The following GPRIN3 variants were observed in gnomAD, a reference collection of about 807,000 sequenced individuals.
The protein encoded by GPRIN3 is GPRIN family member 3, also known as G protein-regulated inducer of neurite outgrowth 3.
GPRIN3 carries 12 observed loss-of-function variants against 13.7 expected under a neutral mutation model. The ratio of observed to expected loss-of-function variants is 0.87; its 90% confidence interval spans 0.56 to 1.42. The LOEUF (loss-of-function observed/expected upper bound fraction) is 1.42, where lower values mean the gene tolerates loss of function less well. GPRIN3 is among the 40% of genes most tolerant of loss of function. The probability of loss-of-function intolerance (pLI) is 0.00; values close to 1 mark genes in which losing one functional copy is unlikely to be tolerated. For synonymous variants in GPRIN3, 377 were observed against 372.7 expected (o/e 1.01, Z -0.13); for missense variants, 1,009 against 958.7 (o/e 1.05, Z -0.69).
chr4:89,238,510 A>C lies in GPRIN3; in HGVS notation c.*9270T>G, dbSNP rs1171278369. ...CAATAAGGCAATCTAAGCGCCCTGG[A>C]CCCCTACCCAGCTCTGTTACCCCAC... On this transcript the variant is annotated 3_prime_UTR_variant, in exon 2 of 2. Coordinates refer to ENST00000609438, the MANE Select transcript of GPRIN3 (RefSeq NM_198281.3). 1 of 151,728 alleles carries C rather than the reference A, an allele frequency of 6.6e-6. No homozygotes were observed. Among genetic ancestry groups the C allele is most frequent in the African/African-American group, 2.4e-5 (1 of 41,194 alleles). The allele number at this position is 151,728 out of a possible 1,614,324, so 9.4% of individuals were successfully genotyped here. A position where few individuals can be genotyped will look rare whatever the true frequency, so the allele number is the denominator to read the frequency against.
chr4:89,267,373 C>T (rs1723808531), intron 1 of GPRIN3, among the ~76,000 whole-genome samples: 1 of 151,772 alleles, frequency 6.6e-6, no homozygotes, highest in African/African-American at 2.4e-5. Flanking sequence ...TTGTTTAAAC[C>T]AGTTCTACAC....
chr4:89,299,128 A>G (rs1724821323), intron 1 of GPRIN3, among the ~76,000 whole-genome samples: 1 of 152,180 alleles, frequency 6.6e-6, no homozygotes, highest in South Asian at 2.1e-4. Context: ...ATGGTCTTTT[A>G]TATATTATCA....
chr4:89,254,034 T>C (rs1215747427), intron 1 of GPRIN3, among the ~76,000 whole-genome samples: 2 of 152,028 alleles, frequency 1.3e-5, no homozygotes, highest in African/African-American at 4.8e-5. Context: ...GAGTCCATTA[T>C]GGTAAGATTT....
At chr4:89,304,903 T>C (rs1377163470) in intron 1 of GPRIN3, among the ~76,000 whole-genome samples, 2 of 152,348 alleles carry the variant, frequency 1.3e-5, no homozygotes, top group South Asian at 2.1e-4. Flanking sequence ...CATTTGTAGA[T>C]GAAATATTTG....
chr4:89,306,424 C>T (rs1255556478), intron 1 of GPRIN3, among the ~76,000 whole-genome samples: 5 of 152,186 alleles, frequency 3.3e-5, no homozygotes, highest in African/African-American at 2.4e-5. Flanking sequence ...GAAGCAAAGC[C>T]TTAATCAACC....
intron 1 of GPRIN3, among the ~76,000 whole-genome samples, chr4:89,256,355 T>C (rs1036219774): frequency 6.6e-6 from 1 of 152,108 alleles, no homozygotes; most frequent in Non-Finnish European, 1.5e-5. Context: ...TTAGGGAAAG[T>C]CCAACCAGCT....
intron 1 of GPRIN3, among the ~76,000 whole-genome samples, chr4:89,293,270 A>G (rs189393419): frequency 4.9e-4 from 74 of 152,290 alleles, no homozygotes; most frequent in Middle Eastern, 3.4e-3. Flanking sequence ...AGCATCCTCT[A>G]TGGTGGTTTT....
chr4:89,272,510 C>T (rs1214585373), intron 1 of GPRIN3, among the ~76,000 whole-genome samples: 2 of 152,208 alleles, frequency 1.3e-5, no homozygotes, highest in Non-Finnish European at 2.9e-5. Flanking sequence ...TTCTCCATTA[C>T]TCTTTGAGCA....
intron 1 of GPRIN3, among the ~76,000 whole-genome samples, chr4:89,297,785 T>G (rs1046555413): frequency 1.3e-5 from 2 of 152,190 alleles, no homozygotes; most frequent in African/African-American, 2.4e-5. Flanking sequence ...ACAGTCCCAT[T>G]GGAATGGGTA....
chr4:89,249,995 A>G lies in GPRIN3; in HGVS notation c.116T>C (p.Leu39Pro), dbSNP rs757105568. ...AAAGCCATTGGCATTCTTACACAGGAGAGCTGGTCGATGCCGAGGTGAGGC... is the reference window on the plus strand; with the variant it reads ...AAAGCCATTGGCATTCTTACACAGGGGAGCTGGTCGATGCCGAGGTGAGGC... ...QAASPRHRPA[L>P]LCKNANGFSG... The change falls in exon 2 of 2, where the codon CTC (leucine) becomes CCC (proline). Residue 39 changes from leucine to proline, a missense_variant. Transcript: ENST00000609438. The G allele has an allele frequency of 1.2e-6, 2 of 1,614,198 alleles. No homozygotes were observed. Among genetic ancestry groups the G allele is most frequent in the Non-Finnish European group, 1.7e-6 (2 of 1,180,008 alleles).
rs190624299 is a variant in GPRIN3, at chr4:89,269,763, G to C, written c.-123-19530C>G. On this transcript the variant is annotated intron_variant, in intron 1 of 1. Transcript: ENST00000609438. ...ATTTCATCTTCAAGAAAGATGATTA[G>C]GTGCTACAAAATAATCCAATCTCTT... 2.0e-3 allele frequency among the ~76,000 whole-genome samples: 301 copies of C among 152,228 alleles called. 12 individuals carry two copies. In the South Asian group the frequency reaches 0.056, roughly 28 times the overall value.
intron 1 of GPRIN3, among the ~76,000 whole-genome samples, chr4:89,259,782 C>T (rs1412236170): frequency 6.6e-6 from 1 of 152,130 alleles, no homozygotes; most frequent in Non-Finnish European, 1.5e-5. Flanking sequence ...AGGCATCTTC[C>T]AAATGCAGAG....
chr4:89,268,311 G>T (rs1198333083), intron 1 of GPRIN3, among the ~76,000 whole-genome samples: 1 of 152,188 alleles, frequency 6.6e-6, no homozygotes, highest in East Asian at 1.9e-4. Flanking sequence ...AATTATTACA[G>T]AAGTGGCATT....
chr4:89,304,525 C>T (rs1282485656), intron 1 of GPRIN3, among the ~76,000 whole-genome samples: 2 of 152,184 alleles, frequency 1.3e-5, no homozygotes, highest in Non-Finnish European at 2.9e-5. Flanking sequence ...ACTGACTTCA[C>T]AGTGTGCTAG....
Position 89,247,415 on chromosome 4 carries a change from C to A in GPRIN3, c.*365G>T, listed in dbSNP as rs1431549. On this transcript the variant is annotated 3_prime_UTR_variant, in exon 2 of 2. Transcript: ENST00000609438. The stretch of plus-strand genomic sequence containing the variant: ...ATATGAAGCAGGGATTTTAATGGAA[C>A]TACTACTGTGTGATAAATTGAGGCA... 0.099 allele frequency: 16,925 copies of A among 171,028 alleles called. 928 individuals are homozygous for A. The highest frequency in any genetic ancestry group is 0.14 in the East Asian group (874 of 6,110). 10.6% of individuals were successfully genotyped at this position (171,028 alleles called of 1,614,324 possible).
intron 1 of GPRIN3, among the ~76,000 whole-genome samples, chr4:89,298,201 C>T (rs1258098933): frequency 2.0e-5 from 3 of 152,056 alleles, no homozygotes; most frequent in Admixed American, 6.6e-5. Context: ...ATATCTGTTC[C>T]GTTTTTGTCA....
rs138569557 is a variant in GPRIN3 at position 89,263,883 on chromosome 4, C to T, written c.-123-13650G>A. 4.7e-3 allele frequency among the ~76,000 whole-genome samples: 717 copies of T among 152,166 alleles called. 7 individuals carry two copies. Among genetic ancestry groups the T allele is most frequent in the African/African-American group, 0.017 (694 of 41,494 alleles). ...CCCAAACTCATGTTCTTAAGTGTCTCCAAGAGTACAGAATGGGAAATAAAC... is the reference window on the plus strand; with the variant it reads ...CCCAAACTCATGTTCTTAAGTGTCTTCAAGAGTACAGAATGGGAAATAAAC... On this transcript the variant is annotated intron_variant, in intron 1 of 1. Transcript: ENST00000609438.
At chr4:89,277,583 G>A (rs1352311477) in intron 1 of GPRIN3, among the ~76,000 whole-genome samples, 1 of 152,168 alleles carries the variant, frequency 6.6e-6, no homozygotes, top group South Asian at 2.1e-4. Context: ...GCCAACTGCT[G>A]AGTCACCTGA....
At chr4:89,288,971 GTTTTCACCAC>G (rs1419191644) in intron 1 of GPRIN3, among the ~76,000 whole-genome samples, 4 of 151,914 alleles carry the variant, frequency 2.6e-5, no homozygotes, top group African/African-American at 9.7e-5. Context: ...TCACGGCATC[GTTTTCACCAC>G]TGGTTACCTC....
Sources: allele counts gnomAD v4.1 joint callset (sites outside exome capture counted in the v4.1 genomes callset), GRCh38; gene constraint gnomAD v4.1.1; transcripts MANE v1.5; gene names NCBI Gene and HGNC (gene_info 2026-07-23, HGNC 2026-07-21).